MAGI3: variants seen among roughly 807,000 people sequenced by gnomAD.
MAGI3 encodes membrane-associated guanylate kinase, WW and PDZ domain-containing protein 3.
MAGI3 carries 43 observed loss-of-function variants against 121.8 expected under a neutral mutation model. That is an observed-to-expected ratio of 0.35 (90% CI 0.28 to 0.46). The LOEUF is 0.46. Among genes scored for constraint, MAGI3 ranks in the 20% least tolerant of loss-of-function variants. The probability of loss-of-function intolerance (pLI) is 1.00; values close to 1 mark genes in which losing one functional copy is unlikely to be tolerated. For missense variants in MAGI3, 1,547 were observed against 1,797.3 expected, an observed-to-expected ratio of 0.86 and a Z score of 2.52; for synonymous variants, 553 against 639.3, an observed-to-expected ratio of 0.86 and a Z score of 2.04.
At chr1:113,449,634 T>C in intron 1 of MAGI3, 1 of 689,322 alleles carries the variant, frequency 1.5e-6, no homozygotes, top group Admixed American at 2.2e-5. Context: ...TTCAGTTTGC[T>C]GATTAAAAAA....
chr1:113,458,003 T>A (rs1438615922), intron 1 of MAGI3, among the ~76,000 whole-genome samples: 1 of 152,036 alleles, frequency 6.6e-6, no homozygotes, highest in African/African-American at 2.4e-5. Context: ...TAAGAAGAGG[T>A]AATGCTGGAG....
intron 1 of MAGI3, among the ~76,000 whole-genome samples, chr1:113,406,707 G>A (rs1570626668): frequency 6.6e-6 from 1 of 151,946 alleles, no homozygotes; most frequent in Admixed American, 6.6e-5. Flanking sequence ...CTGAGTTCAA[G>A]ACCAGCCTGA....
At chr1:113,576,446 C>A (rs967451483) in intron 2 of MAGI3, among the ~76,000 whole-genome samples, 1 of 152,110 alleles carries the variant, frequency 6.6e-6, no homozygotes, top group East Asian at 1.9e-4. Flanking sequence ...CTGGATGAGG[C>A]GCTGCCCCAC....
intron 7 of MAGI3, among the ~76,000 whole-genome samples, chr1:113,617,576 T>C (rs1158154869): frequency 1.3e-5 from 2 of 152,206 alleles, no homozygotes; most frequent in Non-Finnish European, 2.9e-5. Context: ...CTCATTTGCA[T>C]ACGTCTACTC....
At chr1:113,416,847 A>G (rs998533609) in intron 1 of MAGI3, among the ~76,000 whole-genome samples, 1 of 151,812 alleles carries the variant, frequency 6.6e-6, no homozygotes, top group East Asian at 1.9e-4. Flanking sequence ...TTCAAATAAA[A>G]ACGACAAAGT....
chr1:113,631,341 A>T (rs1651620516), intron 9 of MAGI3, among the ~76,000 whole-genome samples: 1 of 151,934 alleles, frequency 6.6e-6, no homozygotes, highest in Non-Finnish European at 1.5e-5. Flanking sequence ...TAGTTGTTAA[A>T]ATTTGGTGTT....
At chr1:113,490,597 T>A (rs1411943588) in intron 1 of MAGI3, among the ~76,000 whole-genome samples, 1 of 152,164 alleles carries the variant, frequency 6.6e-6, no homozygotes, top group Admixed American at 6.5e-5. Context: ...GGATAAAGAA[T>A]CAGACCCATT....
chr1:113,573,160 C>T (rs1215577894), intron 2 of MAGI3, among the ~76,000 whole-genome samples: 1 of 151,912 alleles, frequency 6.6e-6, no homozygotes, highest in African/African-American at 2.4e-5. Flanking sequence ...CTCCTGACCT[C>T]GTGATCTGCC....
chr1:113,452,608 T>C (rs182372382), intron 1 of MAGI3, among the ~76,000 whole-genome samples: 9 of 152,204 alleles, frequency 5.9e-5, no homozygotes, highest in Non-Finnish European at 1.0e-4. Flanking sequence ...AAGGTTGATC[T>C]ATGACAGCCT....
At chr1:113,532,760 C>T (rs1309376307) in intron 1 of MAGI3, among the ~76,000 whole-genome samples, 1 of 152,022 alleles carries the variant, frequency 6.6e-6, no homozygotes, top group Non-Finnish European at 1.5e-5. Flanking sequence ...TATTAGAGAG[C>T]TTGGAAATGT....
chr1:113,405,643 T>C (rs1321657741), intron 1 of MAGI3, among the ~76,000 whole-genome samples: 1 of 152,152 alleles, frequency 6.6e-6, no homozygotes, highest in African/African-American at 2.4e-5. Flanking sequence ...CTCTTTACTA[T>C]TGTAGCTCCT....
intron 2 of MAGI3, among the ~76,000 whole-genome samples, chr1:113,575,593 C>G (rs1390019188): frequency 6.6e-6 from 1 of 152,170 alleles, no homozygotes; most frequent in Non-Finnish European, 1.5e-5. Flanking sequence ...CCACCTGATG[C>G]CAGCCAGAGC....
intron 1 of MAGI3, among the ~76,000 whole-genome samples, chr1:113,523,444 A>C (rs1402434888): frequency 6.6e-6 from 1 of 152,188 alleles, no homozygotes; most frequent in Non-Finnish European, 1.5e-5. Context: ...TTTGACCGAA[A>C]TGCTGGTAAT....
chr1:113,457,505 C>T (rs372036738), intron 1 of MAGI3, among the ~76,000 whole-genome samples: 51 of 151,962 alleles, frequency 3.4e-4, no homozygotes, highest in African/African-American at 1.2e-3. Flanking sequence ...TGTGCTGCCC[C>T]GTACATTTCT....
At chr1:113,615,323 C>T (rs1322290290) in intron 7 of MAGI3, among the ~76,000 whole-genome samples, 2 of 152,144 alleles carry the variant, frequency 1.3e-5, no homozygotes, top group East Asian at 3.8e-4. Context: ...TGCTTTCTTT[C>T]CAGATGCTAA....
At chr1:113,646,667 G>A (rs747697656) in intron 12 of MAGI3, 25 bp downstream of exon 12, 7 of 1,551,510 alleles carry the variant, frequency 4.5e-6, no homozygotes, top group Non-Finnish European at 6.1e-6. Flanking sequence ...AATATTTCAG[G>A]AGAGCATATA....
intron 12 of MAGI3, among the ~76,000 whole-genome samples, chr1:113,647,095 G>A (rs1652890924): frequency 6.6e-6 from 1 of 152,188 alleles, no homozygotes; most frequent in Non-Finnish European, 1.5e-5. Context: ...CTTCATACTG[G>A]AAGCAAAGCT....
chr1:113,554,390 C>T (rs1659903469), intron 2 of MAGI3, among the ~76,000 whole-genome samples: 2 of 150,866 alleles, frequency 1.3e-5, no homozygotes, highest in Admixed American at 6.6e-5. Context: ...AACCTGAACA[C>T]GTAGCAATAT....
intron 2 of MAGI3, among the ~76,000 whole-genome samples, chr1:113,572,976 A>T (rs1647395157): frequency 1.3e-5 from 2 of 151,104 alleles, no homozygotes; most frequent in Admixed American, 1.3e-4. Context: ...CCCAGGCTGG[A>T]GTGCAGTGGC....
Sources: allele counts gnomAD v4.1 joint callset (sites outside exome capture counted in the v4.1 genomes callset), GRCh38; gene constraint gnomAD v4.1.1; transcripts MANE v1.5; gene names NCBI Gene and HGNC (gene_info 2026-07-23, HGNC 2026-07-21).